Variants in PCCA observed in about 807,000 individuals in gnomAD.
The protein encoded by PCCA is propionyl-CoA carboxylase alpha chain, mitochondrial.
Under a neutral mutation model 101.3 loss-of-function variants are expected in PCCA, and 74 were observed. The ratio of observed to expected loss-of-function variants is 0.73; its 90% CI spans 0.61 to 0.89. The LOEUF (loss-of-function observed/expected upper bound fraction) is 0.89, where lower values mean the gene tolerates loss of function less well. Among genes scored for constraint, PCCA ranks in the 40% least tolerant of loss-of-function variants. The pLI is 0.00. For synonymous variants in PCCA, 294 were observed against 313.6 expected, an observed-to-expected ratio of 0.94 and a Z score of 0.66; for missense variants, 891 against 907.0, an observed-to-expected ratio of 0.98 and a Z score of 0.23.
intron 22 of PCCA, among the ~76,000 whole-genome samples, chr13:100,523,697 A>G (rs572455711): frequency 6.6e-6 from 1 of 152,372 alleles, no homozygotes; most frequent in East Asian, 1.9e-4. Context: ...GAGAGGACGC[A>G]ATAAGCTGGA....
intron 4 of PCCA, among the ~76,000 whole-genome samples, chr13:100,141,492 C>T (rs2051868383): frequency 1.3e-5 from 2 of 152,148 alleles, no homozygotes; most frequent in Admixed American, 1.3e-4. Flanking sequence ...CTCACTGCAA[C>T]CTCCACCTCC....
intron 4 of PCCA, among the ~76,000 whole-genome samples, chr13:100,118,613 G>A (rs2049058651): frequency 6.6e-6 from 1 of 152,014 alleles, no homozygotes; most frequent in Non-Finnish European, 1.5e-5. Flanking sequence ...GCAGTGGTGA[G>A]ATTATAACTC....
At chr13:100,183,942 A>C (rs1469671636) in intron 6 of PCCA, among the ~76,000 whole-genome samples, 1 of 152,144 alleles carries the variant, frequency 6.6e-6, no homozygotes, top group African/African-American at 2.4e-5. Flanking sequence ...ATCTTTGCCC[A>C]CCTTTGCTGT....
At chr13:100,460,313 C>T (rs530059459) in intron 21 of PCCA, among the ~76,000 whole-genome samples, 40 of 152,278 alleles carry the variant, frequency 2.6e-4, no homozygotes, top group African/African-American at 9.6e-4. Flanking sequence ...GCAGAAGTTA[C>T]CATTTTATTG....
intron 16 of PCCA, among the ~76,000 whole-genome samples, chr13:100,321,344 C>A (rs78583885): frequency 0.01 from 1,567 of 152,254 alleles, 25 homozygotes; most frequent in African/African-American, 0.028. Context: ...TTCTAAGCAT[C>A]CTAGCATATT....
chr13:100,151,997 C>CA (rs771439513), intron 4 of PCCA, among the ~76,000 whole-genome samples: 113 of 151,218 alleles, frequency 7.5e-4, no homozygotes, highest in African/African-American at 1.0e-3. Flanking sequence ...ATTATTAAGC[C>CA]AAAAAAAACA....
intron 7 of PCCA, among the ~76,000 whole-genome samples, chr13:100,233,311 T>A (rs915239148): frequency 1.3e-5 from 2 of 152,194 alleles, no homozygotes; most frequent in Non-Finnish European, 2.9e-5. Context: ...AAAAGTGAGA[T>A]CTCATTGTTT....
At chr13:100,314,103 C>T (rs2067145033) in intron 16 of PCCA, among the ~76,000 whole-genome samples, 1 of 151,972 alleles carries the variant, frequency 6.6e-6, no homozygotes, top group Non-Finnish European at 1.5e-5. Flanking sequence ...AAAGTGTTAA[C>T]GTTGGTTCAC....
At chr13:100,487,230 A>G (rs1213648750) in intron 21 of PCCA, among the ~76,000 whole-genome samples, 1 of 152,220 alleles carries the variant, frequency 6.6e-6, no homozygotes, top group Non-Finnish European at 1.5e-5. Flanking sequence ...AATTAAGGGC[A>G]GAGGTTCTGA....
At chr13:100,231,532 CT>C (rs566323252) in intron 7 of PCCA, among the ~76,000 whole-genome samples, 6 of 152,058 alleles carry the variant, frequency 3.9e-5, no homozygotes, top group Non-Finnish European at 4.4e-5. Context: ...TTGGGGACTC[CT>C]AGTTTGTTTT....
At chr13:100,349,798 C>A (rs2073037120) in intron 18 of PCCA, among the ~76,000 whole-genome samples, 1 of 152,150 alleles carries the variant, frequency 6.6e-6, no homozygotes, top group Non-Finnish European at 1.5e-5. Context: ...GGCTACACAG[C>A]CTGGTGTCAG....
intron 8 of PCCA, among the ~76,000 whole-genome samples, chr13:100,240,712 C>G (rs543186687): frequency 1.5e-4 from 23 of 152,218 alleles, no homozygotes; most frequent in Middle Eastern, 3.4e-3. Flanking sequence ...TAACCTTTTT[C>G]TAGATTTGCT....
chr13:100,387,406 C>G (rs754811757), intron 19 of PCCA, among the ~76,000 whole-genome samples: 5 of 152,156 alleles, frequency 3.3e-5, no homozygotes, highest in African/African-American at 4.8e-5. Context: ...GTAGTTCACT[C>G]CAAAAGTTTT....
chr13:100,414,362 A>G (rs990771115), intron 19 of PCCA, among the ~76,000 whole-genome samples: 3 of 152,224 alleles, frequency 2.0e-5, no homozygotes, highest in African/African-American at 7.2e-5. Context: ...TAGAGGTATG[A>G]TAGCTCTGTT....
At chr13:100,464,695 A>C (rs55929858) in intron 21 of PCCA, 2 of 152,168 alleles carry the variant, frequency 1.3e-5, no homozygotes, top group Non-Finnish European at 2.9e-5. Flanking sequence ...AATAGAAAGC[A>C]CATACTTAAA....
chr13:100,383,243 T>A (rs1389148720), intron 19 of PCCA, among the ~76,000 whole-genome samples: 1 of 151,894 alleles, frequency 6.6e-6, no homozygotes, highest in East Asian at 2.0e-4. Context: ...CTGCCCACCT[T>A]GGCCTCTCAA....
At chr13:100,161,696 T>A (rs1373615487) in intron 6 of PCCA, 1 of 152,106 alleles carries the variant, frequency 6.6e-6, no homozygotes, top group Non-Finnish European at 1.5e-5. Flanking sequence ...TAGGAGAGAC[T>A]TAGACCTTGC....
chr13:100,140,584 T>A (rs2051748581), intron 4 of PCCA, among the ~76,000 whole-genome samples: 1 of 152,164 alleles, frequency 6.6e-6, no homozygotes, highest in African/African-American at 2.4e-5. Flanking sequence ...GTCAGGGAGA[T>A]CATGGGAGGA....
intron 19 of PCCA, among the ~76,000 whole-genome samples, chr13:100,406,100 A>G (rs2077662121): frequency 6.6e-6 from 1 of 151,314 alleles, no homozygotes; most frequent in South Asian, 2.1e-4. Context: ...CAGGTCAGTA[A>G]CCCTTTACAG....
Sources: allele counts gnomAD v4.1 joint callset (sites outside exome capture counted in the v4.1 genomes callset), GRCh38; gene constraint gnomAD v4.1.1; transcripts MANE v1.5; gene names NCBI Gene and HGNC (gene_info 2026-07-23, HGNC 2026-07-21).